Variants in ASB4 observed in about 807,000 individuals in gnomAD.
ASB4 encodes ankyrin repeat and SOCS box protein 4.
ASB4 carries 35 observed loss-of-function variants against 38.6 expected under a neutral mutation model. The ratio of observed to expected loss-of-function variants is 0.91; its 90% CI spans 0.69 to 1.20. The LOEUF is 1.20. ASB4 is among the 50% of genes most tolerant of loss of function. The probability of loss-of-function intolerance (pLI) is 0.00; values close to 1 mark genes in which losing one functional copy is unlikely to be tolerated. For synonymous variants in ASB4, 195 were observed against 201.3 expected, an observed-to-expected ratio of 0.97 and a Z score of 0.26; for missense variants, 557 against 527.2, an observed-to-expected ratio of 1.06 and a Z score of -0.55.
At chr7:95,544,233 A>G (rs1296212221), downstream of ASB4, 3 of 152,208 alleles carry the variant, frequency 2.0e-5, no homozygotes, top group Non-Finnish European at 4.4e-5. Flanking sequence ...ATGACAGAAC[A>G]GAGCAAAATT....
chr7:95,539,871 C>T lies in ASB4; in HGVS notation c.*2112C>T, dbSNP rs1487343207. 6.6e-6 allele frequency: 1 copy of T among 152,114 alleles called. No individual in the cohort carries two copies. The highest frequency in any genetic ancestry group is 6.5e-5 in the Admixed American group (1 of 15,274). 9.4% of individuals were successfully genotyped at this position (152,114 alleles called of 1,614,324 possible). A position where few individuals can be genotyped will look rare whatever the true frequency, so the allele number is the denominator to read the frequency against. ...ATGTAACCAAAAACCACCTGTACCC[C>T]CAAAACTATTGAAATCTTAAAATAG... On this transcript the variant is annotated 3_prime_UTR_variant, in exon 5 of 5. Transcript: ENST00000325885.
chr7:95,550,528 C>T, the ASB4 span, among the ~76,000 whole-genome samples: 1 of 152,310 alleles, frequency 6.6e-6, no homozygotes, highest in East Asian at 1.9e-4. Flanking sequence ...AACTGTTTCC[C>T]TGCACTTCTT....
upstream of ASB4, among the ~76,000 whole-genome samples, chr7:95,480,954 T>C (rs1790017323): frequency 2.0e-5 from 3 of 152,172 alleles, no homozygotes; most frequent in Non-Finnish European, 4.4e-5. Context: ...ATAGAATATC[T>C]AATTAACCTG....
At chr7:95,524,061 A>G (rs957618969) in intron 2 of ASB4, among the ~76,000 whole-genome samples, 1 of 152,200 alleles carries the variant, frequency 6.6e-6, no homozygotes, top group African/African-American at 2.4e-5. Context: ...AGCTGGTACA[A>G]CTGCTTATTT....
chr7:95,473,524 C>T (rs1789944749), upstream of ASB4, among the ~76,000 whole-genome samples: 1 of 152,180 alleles, frequency 6.6e-6, no homozygotes, highest in South Asian at 2.1e-4. Flanking sequence ...ACTGTTTGTC[C>T]TTACAATAAA....
intron 2 of ASB4, among the ~76,000 whole-genome samples, chr7:95,527,270 C>T (rs1790751616): frequency 4.6e-5 from 7 of 152,024 alleles, no homozygotes; most frequent in Admixed American, 4.6e-4. Context: ...ACTTGGGCAG[C>T]CCTAATACTG....
intron 3 of ASB4, among the ~76,000 whole-genome samples, chr7:95,534,329 G>A (rs898032734): frequency 2.8e-5 from 4 of 140,986 alleles, no homozygotes; most frequent in African/African-American, 5.1e-5. Context: ...GGCTAAAAAC[G>A]TAAAACTCCA....
chr7:95,547,797 C>G, the ASB4 span, among the ~76,000 whole-genome samples: 2 of 152,166 alleles, frequency 1.3e-5, no homozygotes, highest in East Asian at 3.9e-4. Flanking sequence ...AGACTGAGGT[C>G]CCCTGAGAAA....
chr7:95,536,338 C>T (rs1470006838), intron 3 of ASB4, 99 bp from the exon 4 acceptor site: 1 of 701,920 alleles, frequency 1.4e-6, no homozygotes, highest in East Asian at 2.8e-5. Flanking sequence ...GCACATGCTA[C>T]CATGCCCACT....
In ASB4 at chr7:95,498,385, C is replaced by G. The variant is rs116606928; in HGVS notation, c.487+2328C>G. Reference sequence around the variant, plus strand: ...GGGGGTAGATCATTAGAATGTTAGCCATTCTAAATATGTTTGTAATGGTAT... The same window carrying G: ...GGGGGTAGATCATTAGAATGTTAGCGATTCTAAATATGTTTGTAATGGTAT... On this transcript the variant is annotated intron_variant, in intron 2 of 4. Transcript: ENST00000325885. Among the ~76,000 whole-genome samples, 592 of 152,176 alleles carry G rather than the reference C, an allele frequency of 3.9e-3. 3 individuals carry two copies. The highest frequency in any genetic ancestry group is 0.014 in the African/African-American group (566 of 41,508).
intron 3 of ASB4, among the ~76,000 whole-genome samples, chr7:95,534,635 C>T (rs993165548): frequency 6.6e-6 from 1 of 152,162 alleles, no homozygotes; most frequent in African/African-American, 2.4e-5. Flanking sequence ...GTCTTCTCCT[C>T]TGTGGGTTGC....
intron 1 of ASB4, among the ~76,000 whole-genome samples, chr7:95,488,968 A>T (rs1790133315): frequency 6.6e-6 from 1 of 152,246 alleles, no homozygotes. Flanking sequence ...TATATTCAAC[A>T]TTTGATAGTC....
chr7:95,473,341 T>C, the ASB4 span, among the ~76,000 whole-genome samples: 1 of 152,048 alleles, frequency 6.6e-6, no homozygotes, highest in South Asian at 2.1e-4. Flanking sequence ...CCCAATGAGG[T>C]ATTATTATTA....
chr7:95,538,920 TAGAG>T lies in ASB4; in HGVS notation c.*1165_*1168del, dbSNP rs1195216294. The T allele has an allele frequency of 6.6e-6, 1 of 152,108 alleles. No individual in the cohort carries two copies. Among genetic ancestry groups the T allele is most frequent in the South Asian group, 2.1e-4 (1 of 4,818 alleles). 9.4% of individuals were successfully genotyped at this position (152,108 alleles called of 1,614,324 possible). ...GTGACAGTGGGCTACGAAAAGTAAATAGAGAGACTTTTTGAAAATGGTAAAAGTT... is the reference window on the plus strand; with the variant it reads ...GTGACAGTGGGCTACGAAAAGTAAATAGACTTTTTGAAAATGGTAAAAGTT... On this transcript the variant is annotated 3_prime_UTR_variant, in exon 5 of 5. Coordinates refer to ENST00000325885, the MANE Select transcript of ASB4 (RefSeq NM_016116.3).
intron 1 of ASB4, among the ~76,000 whole-genome samples, chr7:95,493,558 T>G (rs1030634022): frequency 5.9e-5 from 9 of 152,110 alleles, no homozygotes; most frequent in African/African-American, 2.2e-4. Context: ...GACAATAGCT[T>G]ATTTTGATTT....
chr7:95,501,961 G>C (rs1790344665), intron 2 of ASB4, among the ~76,000 whole-genome samples: 1 of 152,038 alleles, frequency 6.6e-6, no homozygotes, highest in Admixed American at 6.6e-5. Flanking sequence ...AGATAAATTA[G>C]AGAAAGCAAA....
At chr7:95,478,663 T>C (rs781270544) in intron 1 of ASB4, 6 of 152,166 alleles carry the variant, frequency 3.9e-5, no homozygotes, top group South Asian at 2.1e-4. Flanking sequence ...TTCGCTGATA[T>C]GGGATCCAAG....
intron 3 of ASB4, chr7:95,528,588 G>T: frequency 7.2e-7 from 1 of 1,379,668 alleles, no homozygotes; most frequent in South Asian, 1.9e-5. Flanking sequence ...GAGGGACTGA[G>T]GTAAGTCTGC....
At chr7:95,516,358 G>A (rs1234102477) in intron 2 of ASB4, among the ~76,000 whole-genome samples, 1 of 152,066 alleles carries the variant, frequency 6.6e-6, no homozygotes, top group Non-Finnish European at 1.5e-5. Context: ...GAATTAAAAA[G>A]ATAAAAAATA....
Sources: allele counts gnomAD v4.1 joint callset (sites outside exome capture counted in the v4.1 genomes callset), GRCh38; gene constraint gnomAD v4.1.1; transcripts MANE v1.5; gene names NCBI Gene and HGNC (gene_info 2026-07-23, HGNC 2026-07-21).